The following NTM variants were observed in gnomAD, a reference collection of about 807,000 sequenced individuals.
The protein encoded by NTM is IgLON family member 2.
In NTM, 13 loss-of-function variants were observed where a neutral mutation model predicts 42.1. The ratio of observed to expected loss-of-function variants is 0.31; its 90% CI spans 0.20 to 0.49. The LOEUF is 0.49. NTM is among the 20% of genes least tolerant of loss of function. The pLI, the probability that NTM is intolerant of heterozygous loss-of-function variation, is 0.99. For synonymous variants in NTM, 187 were observed against 179.2 expected, an observed-to-expected ratio of 1.04 and a Z score of -0.35; for missense variants, 373 against 452.8, an observed-to-expected ratio of 0.82 and a Z score of 1.60.
intron 3 of NTM, among the ~76,000 whole-genome samples, chr11:132,189,995 A>G (rs1416812516): frequency 1.6e-4 from 24 of 152,334 alleles, no homozygotes; most frequent in Admixed American, 1.6e-3. Flanking sequence ...ATAGTTGCTA[A>G]GACAAACTGT....
intron 1 of NTM, among the ~76,000 whole-genome samples, chr11:131,689,906 T>C (rs2074436097): frequency 6.6e-6 from 1 of 152,290 alleles, no homozygotes; most frequent in South Asian, 2.1e-4. Context: ...GTAGAGGGAT[T>C]CTCATTTACA....
Position 131,666,220 on chromosome 11 carries a change from A to G in NTM, c.83-245344A>G, listed in dbSNP as rs111289812. ...CAGCCCTTCACCCTTCACCCTGCCT[A>G]TCACTCCTTTGCTCTCAGCCTTACT... On this transcript the variant is annotated intron_variant, in intron 1 of 8. Coordinates refer to ENST00000683400, the MANE Select transcript of NTM (RefSeq NM_001352005.2). Among the ~76,000 whole-genome samples, 738 of 152,270 alleles carry G rather than the reference A, an allele frequency of 4.8e-3. 9 individuals are homozygous for G. Among genetic ancestry groups the G allele is most frequent in the African/African-American group, 0.017 (712 of 41,564 alleles).
At chr11:132,006,681 G>A (rs1005077098) in intron 2 of NTM, among the ~76,000 whole-genome samples, 1 of 152,212 alleles carries the variant, frequency 6.6e-6, no homozygotes, top group African/African-American at 2.4e-5. Flanking sequence ...TTATGAGGCT[G>A]GTGTAATCAG....
intron 1 of NTM, among the ~76,000 whole-genome samples, chr11:131,645,041 C>T (rs2065601617): frequency 6.6e-6 from 1 of 152,080 alleles, no homozygotes; most frequent in Non-Finnish European, 1.5e-5. Context: ...TACCCTGTGT[C>T]CACATAAAAA....
intron 1 of NTM, among the ~76,000 whole-genome samples, chr11:131,827,334 G>A (rs1260744930): frequency 6.6e-6 from 1 of 152,174 alleles, no homozygotes; most frequent in Non-Finnish European, 1.5e-5. Flanking sequence ...CTGGCAATGT[G>A]AATAGTTGGA....
chr11:132,177,528 T>TA, intron 3 of NTM, among the ~76,000 whole-genome samples: 1 of 152,326 alleles, frequency 6.6e-6, no homozygotes, highest in South Asian at 2.1e-4. Context: ...TTCACTTTGC[T>TA]AAAAATGAAG....
At chr11:132,077,926 A>C (rs2058571927) in intron 2 of NTM, among the ~76,000 whole-genome samples, 1 of 152,138 alleles carries the variant, frequency 6.6e-6, no homozygotes, top group African/African-American at 2.4e-5. Flanking sequence ...AGTATCACTC[A>C]TAATATACGT....
intron 4 of NTM, among the ~76,000 whole-genome samples, chr11:132,303,931 G>A (rs773262797): frequency 2.0e-5 from 3 of 152,104 alleles, no homozygotes; most frequent in Admixed American, 6.6e-5. Flanking sequence ...AGTAGGTAAC[G>A]TTATTCTGAT....
At chr11:131,799,996 T>G (rs1420167315) in intron 1 of NTM, among the ~76,000 whole-genome samples, 1 of 152,130 alleles carries the variant, frequency 6.6e-6, no homozygotes, top group African/African-American at 2.4e-5. Flanking sequence ...ATCCCTAAAA[T>G]TATTGGAGGA....
intron 2 of NTM, among the ~76,000 whole-genome samples, chr11:132,009,235 C>G (rs2071531200): frequency 1.3e-5 from 2 of 152,174 alleles, no homozygotes. Context: ...CTGCAAGAGT[C>G]CTGTAAGTTA....
chr11:132,134,850 C>T (rs1220515970), intron 2 of NTM, among the ~76,000 whole-genome samples: 22 of 149,416 alleles, frequency 1.5e-4, no homozygotes, highest in Middle Eastern at 3.5e-3. Context: ...TATATACATG[C>T]GTGTGCAAGT....
At chr11:132,270,356 G>A (rs1220188945) in intron 4 of NTM, among the ~76,000 whole-genome samples, 4 of 151,938 alleles carry the variant, frequency 2.6e-5, no homozygotes, top group Admixed American at 2.0e-4. Flanking sequence ...CTCAGCTTCC[G>A]GAGTAGCTGG....
At chr11:132,035,561 G>A (rs2076407242) in intron 2 of NTM, among the ~76,000 whole-genome samples, 1 of 152,180 alleles carries the variant, frequency 6.6e-6, no homozygotes, top group Admixed American at 6.5e-5. Flanking sequence ...TGCCACAATA[G>A]TGATGTTTCA....
chr11:132,013,636 T>A (rs976745480), intron 2 of NTM, among the ~76,000 whole-genome samples: 1 of 152,142 alleles, frequency 6.6e-6, no homozygotes, highest in African/African-American at 2.4e-5. Flanking sequence ...TCAAGATAGA[T>A]CTGATGAAGA....
At chr11:132,151,727 C>T (rs2071946764) in intron 3 of NTM, among the ~76,000 whole-genome samples, 1 of 152,158 alleles carries the variant, frequency 6.6e-6, no homozygotes, top group Admixed American at 6.5e-5. Context: ...TGGAGTCAAA[C>T]AGCTCCGAAG....
At chr11:132,015,671 T>G (rs1427517269) in intron 2 of NTM, among the ~76,000 whole-genome samples, 1 of 151,620 alleles carries the variant, frequency 6.6e-6, no homozygotes, top group African/African-American at 2.4e-5. Flanking sequence ...TTTTATTTTA[T>G]GCAGCTAATG....
At chr11:132,024,013 G>A (rs1416865072) in intron 2 of NTM, among the ~76,000 whole-genome samples, 1 of 151,846 alleles carries the variant, frequency 6.6e-6, no homozygotes, top group Non-Finnish European at 1.5e-5. Flanking sequence ...TAGAGATGGG[G>A]TTTCACCATG....
chr11:132,304,335 A>G lies in NTM; in HGVS notation c.527-3354A>G, dbSNP rs116082336. On this transcript the variant is annotated intron_variant, in intron 4 of 8. Coordinates refer to ENST00000683400, the MANE Select transcript of NTM (RefSeq NM_001352005.2). ...CCGTGAAGTTTCTTTTCATAGGGTT[A>G]TATCAAGTGGTTTGCCTCTTCCCCA... 1.4e-4 allele frequency among the ~76,000 whole-genome samples: 21 copies of G among 152,206 alleles called. No homozygotes were observed. In the South Asian group the frequency reaches 4.4e-3, roughly 32 times the overall value.
At position 131,452,309 on chromosome 11, in the gene NTM, G is replaced by A. The variant is rs116807583; in HGVS notation, c.82+81421G>A. ...TCTCTCTGAGCTTTGCTGTGGCACA[G>A]ACACACTCTTTGCTCACCCACAGTC... On this transcript the variant is annotated intron_variant, in intron 1 of 8. Coordinates refer to ENST00000683400, the MANE Select transcript of NTM (RefSeq NM_001352005.2). Among the ~76,000 whole-genome samples, 1,373 of 152,344 alleles carry A rather than the reference G, an allele frequency of 9.0e-3. 25 individuals are homozygous for A. Among genetic ancestry groups the A allele is most frequent in the African/African-American group, 0.032 (1,313 of 41,584 alleles).
Sources: allele counts gnomAD v4.1 joint callset (sites outside exome capture counted in the v4.1 genomes callset), GRCh38; gene constraint gnomAD v4.1.1; transcripts MANE v1.5; gene names NCBI Gene and HGNC (gene_info 2026-07-23, HGNC 2026-07-21).